SLC6A3: variants seen among roughly 807,000 people sequenced by gnomAD.
SLC6A3 encodes solute carrier family 6 member 3.
In SLC6A3, 19 loss-of-function variants were observed where a neutral mutation model predicts 70.4. That is an observed-to-expected ratio of 0.27 (90% CI 0.19 to 0.40). SLC6A3 has a LOEUF of 0.40. Ranked by LOEUF, SLC6A3 falls within the 10% of genes least tolerant of loss-of-function variation. The pLI is 1.00. For synonymous variants in SLC6A3, 368 were observed against 356.6 expected (o/e 1.03, Z -0.36); for missense variants, 613 against 838.5 (o/e 0.73, Z 3.32).
Position 1,413,757 on chromosome 5 carries a change from C to T in SLC6A3, c.1156+934G>A, listed in dbSNP as rs1756182406. On this transcript the variant is annotated intron_variant, in intron 8 of 14. Coordinates refer to ENST00000270349, the MANE Select transcript of SLC6A3 (RefSeq NM_001044.5). The surrounding 1 kb of genome is among the most constrained non-coding windows in gnomAD (Gnocchi z 7.1). ...CGGGGGCTCTGCTGGCTGACAGAGA[C>T]CGAGAAGCCTTGGGACTCCCTGGAG... 1.3e-5 allele frequency among the ~76,000 whole-genome samples: 2 copies of T among 152,020 alleles called. No individual in the cohort carries two copies. Among genetic ancestry groups the T allele is most frequent in the Non-Finnish European group, 2.9e-5 (2 of 67,980 alleles).
At chr5:1,410,892 G>A (rs894483142) in intron 9 of SLC6A3, among the ~76,000 whole-genome samples, 1 of 152,072 alleles carries the variant, frequency 6.6e-6, no homozygotes, top group African/African-American at 2.4e-5. Context: ...GTGTGTGCAT[G>A]CATGTGCATG....
chr5:1,413,607 C>T lies in SLC6A3; in HGVS notation c.1156+1084G>A, dbSNP rs199600270. On this transcript the variant is annotated intron_variant, in intron 8 of 14. Transcript: ENST00000270349. The surrounding 1 kb of genome is among the most constrained non-coding windows in gnomAD (Gnocchi z 7.1). ...AAATGTAGTGCCCCCACCCCACCCC[C>T]GGAGAAGACAGTCCAGAGGAAGCAA... Among the ~76,000 whole-genome samples the T allele has an allele frequency of 1.2e-3, 184 of 152,306 alleles. No homozygotes were observed. The highest frequency in any genetic ancestry group is 3.4e-3 in the African/African-American group (141 of 41,560).
Position 1,402,759 on chromosome 5 carries a change from G to GACACACACACGC in SLC6A3, c.1767+151_1767+162dup, listed in dbSNP as rs1755879377. On this transcript the variant is annotated intron_variant, in intron 13 of 14. Transcript: ENST00000270349. The surrounding 1 kb of genome is among the most constrained non-coding windows in gnomAD (Gnocchi z 8.5). ...ACCCATGGGCCCGGGCGTGCAGGTG[G>GACACACACACGC]ACACACACACGCACACACACACACA... Among the ~76,000 whole-genome samples, 1 of 152,030 alleles carries GACACACACACGC rather than the reference G, an allele frequency of 6.6e-6. No individual in the cohort carries two copies. Among genetic ancestry groups the GACACACACACGC allele is most frequent in the Admixed American group, 6.5e-5 (1 of 15,274 alleles).
chr5:1,426,745 CAG>C (rs1276492566), intron 4 of SLC6A3, among the ~76,000 whole-genome samples: 1 of 152,084 alleles, frequency 6.6e-6, no homozygotes, highest in Non-Finnish European at 1.5e-5. Flanking sequence ...GACAAATTCA[CAG>C]AGACAGAAAG....
chr5:1,414,431 ACTGGGTGGGGGGCCG>A (rs1756212031), intron 8 of SLC6A3, among the ~76,000 whole-genome samples: 4 of 59,490 alleles, frequency 6.7e-5, no homozygotes, highest in Admixed American at 1.9e-4. Context: ...CGGAGAAGGC[ACTGGGTGGGGGGCCG>A]GGAGGGGCAG....
chr5:1,429,731 T>G (rs1756651726), intron 4 of SLC6A3, among the ~76,000 whole-genome samples: 1 of 152,210 alleles, frequency 6.6e-6, no homozygotes, highest in African/African-American at 2.4e-5. Flanking sequence ...GTGGCACCTC[T>G]GCGGCCACTG....
intron 8 of SLC6A3, among the ~76,000 whole-genome samples, chr5:1,412,291 G>A (rs1260261287): frequency 1.3e-5 from 2 of 152,232 alleles, no homozygotes; most frequent in East Asian, 1.9e-4. Flanking sequence ...GGGTCCCGCA[G>A]GCCATATTGA....
intron 3 of SLC6A3, among the ~76,000 whole-genome samples, chr5:1,439,596 C>T (rs1055045810): frequency 4.4e-4 from 67 of 152,214 alleles, no homozygotes; most frequent in Non-Finnish European, 4.1e-4. Context: ...GTCAGCGGCT[C>T]GCCTCTGAAG....
In SLC6A3 at chr5:1,436,872, C is replaced by T. The variant is rs3756451; in HGVS notation, c.419-4174G>A. On this transcript the variant is annotated intron_variant, in intron 3 of 14. Coordinates refer to ENST00000270349, the MANE Select transcript of SLC6A3 (RefSeq NM_001044.5). This position sits in a 1 kb window ranked among gnomAD's most constrained non-coding sequence, Gnocchi z 5.2. The stretch of plus-strand genomic sequence containing the variant: ...TGGCTTCAGGAGAGGGTGTTGTCAA[C>T]GCATGCACGGATCCCGCTGGAGGAA... Among the ~76,000 whole-genome samples the T allele has an allele frequency of 4.7e-4, 72 of 152,288 alleles. No homozygotes were observed. The East Asian group carries it at 0.014, about 29-fold the overall frequency.
At chr5:1,429,763 C>G (rs776358167) in intron 4 of SLC6A3, among the ~76,000 whole-genome samples, 6 of 152,192 alleles carry the variant, frequency 3.9e-5, no homozygotes, top group African/African-American at 1.4e-4. Context: ...GTGTGCCCCC[C>G]ACTTTCTCCT....
chr5:1,402,903 G>C lies in SLC6A3; in HGVS notation c.1767+19C>G, dbSNP rs751182754. On this transcript the variant is annotated intron_variant, in intron 13 of 14. Transcript: ENST00000270349. The surrounding 1 kb of genome is among the most constrained non-coding windows in gnomAD (Gnocchi z 8.5). ...GGTGGCCTCACACTCGGGTGAAGGC[G>C]CCCCGTCCAAATACCCACCTCTCGA... 3.1e-6 allele frequency: 5 copies of C among 1,611,602 alleles called. No homozygotes were observed. Among genetic ancestry groups the C allele is most frequent in the Non-Finnish European group, 4.2e-6 (5 of 1,179,646 alleles).
rs60931385 is a variant in SLC6A3 at position 1,428,524 on chromosome 5, T to C, written c.653+3940A>G. Reference sequence around the variant, plus strand: ...TGTGTGGGATGCAGCCAATCAATAATCTCCAGGTTCCTACAAGGAAGGGTT... The same window carrying C: ...TGTGTGGGATGCAGCCAATCAATAACCTCCAGGTTCCTACAAGGAAGGGTT... On this transcript the variant is annotated intron_variant, in intron 4 of 14. Transcript: ENST00000270349. Among the ~76,000 whole-genome samples, 679 of 152,290 alleles carry C rather than the reference T, an allele frequency of 4.5e-3. 7 individuals are homozygous for C. The highest frequency in any genetic ancestry group is 0.016 in the African/African-American group (656 of 41,552).
At chr5:1,423,548 ACT>A (rs1489826583) in intron 4 of SLC6A3, among the ~76,000 whole-genome samples, 6 of 152,208 alleles carry the variant, frequency 3.9e-5, no homozygotes, top group Non-Finnish European at 7.3e-5. Flanking sequence ...TCAGTGGATG[ACT>A]CTGCTCCAGC....
intron 1 of SLC6A3, among the ~76,000 whole-genome samples, chr5:1,444,145 C>G (rs529583205): frequency 6.6e-6 from 1 of 152,200 alleles, no homozygotes; most frequent in South Asian, 2.1e-4. Context: ...GGCACCACCC[C>G]GCGTGAGAGA....
chr5:1,410,353 C>A (rs1756086685), intron 9 of SLC6A3, among the ~76,000 whole-genome samples: 1 of 152,182 alleles, frequency 6.6e-6, no homozygotes, highest in African/African-American at 2.4e-5. Flanking sequence ...TCGGTCCAGA[C>A]CCCTCTTCAT....
chr5:1,433,105 C>T (rs1756743873), intron 3 of SLC6A3, among the ~76,000 whole-genome samples: 1 of 152,104 alleles, frequency 6.6e-6, no homozygotes, highest in Non-Finnish European at 1.5e-5. Context: ...CACTCAGGAT[C>T]CATAAGAGTC....
intron 4 of SLC6A3, among the ~76,000 whole-genome samples, chr5:1,428,707 G>A (rs1756627374): frequency 6.6e-6 from 1 of 152,182 alleles, no homozygotes; most frequent in African/African-American, 2.4e-5. Context: ...CCAACCCTGA[G>A]GAACACTGGG....
chr5:1,434,661 A>T (rs1756787788), intron 3 of SLC6A3, among the ~76,000 whole-genome samples: 1 of 152,154 alleles, frequency 6.6e-6, no homozygotes, highest in South Asian at 2.1e-4. Context: ...TACTGACATG[A>T]TTAGTTTGGG....
At chr5:1,430,109 C>T (rs1286611348) in intron 4 of SLC6A3, among the ~76,000 whole-genome samples, 1 of 152,136 alleles carries the variant, frequency 6.6e-6, no homozygotes, top group Non-Finnish European at 1.5e-5. Flanking sequence ...AGGACTCATC[C>T]CGGGTGCATC....
Sources: gnomAD v4.1 joint callset for allele counts (sites outside exome capture counted in the v4.1 genomes callset) on GRCh38, gnomAD v4.1.1 for gene constraint, Gnocchi (gnomAD v3.1) non-coding constraint, MANE v1.5 for transcripts, NCBI Gene and HGNC (gene_info 2026-07-23, HGNC 2026-07-21) for gene names.